Variants in DZIP1L observed in about 807,000 individuals in gnomAD.
DZIP1L encodes cilium assembly protein DZIP1L.
Under a neutral mutation model 88.7 loss-of-function variants are expected in DZIP1L, and 90 were observed. That is an observed-to-expected ratio of 1.02 (90% CI 0.86 to 1.21). DZIP1L has a LOEUF of 1.21. Ranked by LOEUF, DZIP1L falls within the 50% of genes most tolerant of loss-of-function variation. The probability of loss-of-function intolerance (pLI) is 0.00; values close to 1 mark genes in which losing one functional copy is unlikely to be tolerated. For synonymous variants in DZIP1L, 363 were observed against 372.1 expected (o/e 0.98, Z 0.28); for missense variants, 932 against 955.8 (o/e 0.98, Z 0.33).
At chr3:138,101,837 C>A in intron 2 of DZIP1L, 1 of 1,288,386 alleles carries the variant, frequency 7.8e-7, no homozygotes, top group Non-Finnish European at 1.1e-6. Flanking sequence ...CGCTCCATGT[C>A]CTGCTTGGCC....
In DZIP1L at chr3:138,094,903, G is replaced by C. The variant is rs1158287390; in HGVS notation, c.667C>G (p.Leu223Val). ...CTCTCCGCCTCCCTCTGGGCTTCCA[G>C]CTCCCCTTGGGTCCACTTTAGCTTG... ...RAKLKWTQGE[L>V]EAQREAERQR... is the part of the protein sequence containing the mutation. Residue 223 changes from leucine (L) to valine (V), a missense_variant, in exon 4 of 16, where the codon CTG becomes GTG. By Grantham distance (32) the Leu-to-Val change is conservative (BLOSUM62 1). Coordinates refer to ENST00000327532, the MANE Select transcript of DZIP1L (RefSeq NM_173543.3). 5 of 1,614,076 alleles carry C rather than the reference G, an allele frequency of 3.1e-6. No homozygotes were observed. The highest frequency in any genetic ancestry group is 3.4e-6 in the Non-Finnish European group (4 of 1,180,038).
Position 138,067,698 on chromosome 3 carries a change from G to A in DZIP1L, c.1835C>T (p.Thr612Met), listed in dbSNP as rs772148042. Residue 612 changes from threonine to methionine, a missense_variant and splice_region_variant, in exon 14 of 16, where the codon ACG becomes ATG. Transcript: ENST00000327532. ...GTCCTCTTCAGAACTGAACGGGGGC[G>A]TGCTGCCACGAGGAGGAGAAGAAAT... ...TPPSSGPGMS[T>M]PPFSSEEDSE... 14 of 1,547,274 alleles carry A rather than the reference G, an allele frequency of 9.0e-6. No homozygotes were observed. Among genetic ancestry groups the A allele is most frequent in the South Asian group, 3.7e-5 (3 of 81,736 alleles).
intron 1 of DZIP1L, among the ~76,000 whole-genome samples, chr3:138,105,027 T>A (rs1233744327): frequency 6.6e-6 from 1 of 152,144 alleles, no homozygotes; most frequent in South Asian, 2.1e-4. Flanking sequence ...GTACAATGTA[T>A]CTCTATGCAA....
Position 138,088,515 on chromosome 3 carries a change from G to C in DZIP1L, c.871-8C>G. ...CTGCAGTGCCCGCAGTTTCTGAAAAGGCCAGGGCATAGTTTTATTCAGATG... is the reference window on the plus strand; with the variant it reads ...CTGCAGTGCCCGCAGTTTCTGAAAACGCCAGGGCATAGTTTTATTCAGATG... On this transcript the variant is annotated splice_region_variant and splice_polypyrimidine_tract_variant and intron_variant, in intron 5 of 15. Coordinates refer to ENST00000327532, the MANE Select transcript of DZIP1L (RefSeq NM_173543.3). 1 of 1,612,176 alleles carries C rather than the reference G, an allele frequency of 6.2e-7. No individual in the cohort carries two copies. Among genetic ancestry groups the C allele is most frequent in the Non-Finnish European group, 8.5e-7 (1 of 1,179,168 alleles).
rs1246046392 is a variant in DZIP1L at position 138,094,293 on chromosome 3, C to T, written c.708+569G>A. ...AAATGATGCTGATAAACTTGCTCAA[C>T]ACAGGGTTGACACAAACCTTCAATG... On this transcript the variant is annotated intron_variant, in intron 4 of 15. Transcript: ENST00000327532. Among the ~76,000 whole-genome samples, 3 of 152,220 alleles carry T rather than the reference C, an allele frequency of 2.0e-5. No individual in the cohort carries two copies. The East Asian group carries it at 5.8e-4, about 29-fold the overall frequency.
chr3:138,069,229 G>A (rs1014363296), intron 12 of DZIP1L: 2 of 557,942 alleles, frequency 3.6e-6, no homozygotes, highest in African/African-American at 3.8e-5. Flanking sequence ...TTAATGAATA[G>A]TAAACATATT....
chr3:138,069,342 T>C (rs965483553), intron 12 of DZIP1L, among the ~76,000 whole-genome samples: 1 of 152,238 alleles, frequency 6.6e-6, no homozygotes, highest in Non-Finnish European at 1.5e-5. Context: ...TGTGTGTTAA[T>C]AGTCCATATT....
chr3:138,115,161 C>A (rs1454186746), intron 1 of DZIP1L, among the ~76,000 whole-genome samples, 167 bp downstream of exon 1: 1 of 152,096 alleles, frequency 6.6e-6, no homozygotes, highest in East Asian at 1.9e-4. Context: ...GCAGCGCGGA[C>A]GCACGCAGCC....
chr3:138,073,512 G>T (rs1030125684), intron 11 of DZIP1L, among the ~76,000 whole-genome samples: 39 of 152,146 alleles, frequency 2.6e-4, no homozygotes, highest in African/African-American at 9.2e-4. Flanking sequence ...CTAGGGGAAG[G>T]GGGAGAGCAC....
chr3:138,112,513 G>C (rs566034004), intron 1 of DZIP1L: 3 of 152,264 alleles, frequency 2.0e-5, no homozygotes, highest in South Asian at 2.1e-4. Flanking sequence ...GATTAGGATA[G>C]GCGGACAAAA....
At chr3:138,069,205 T>C (rs1363710541) in intron 12 of DZIP1L, 2 of 646,368 alleles carry the variant, frequency 3.1e-6, no homozygotes, top group Admixed American at 2.3e-5. Flanking sequence ...TCCTTTATGA[T>C]GATCCACTTC....
In DZIP1L at chr3:138,066,761, G is replaced by A. The variant is rs118137566; in HGVS notation, c.2002+770C>T. On this transcript the variant is annotated intron_variant, in intron 14 of 15. Transcript: ENST00000327532. The stretch of plus-strand genomic sequence containing the variant: ...AGAAGGAACTTCTGCTCTACTCACC[G>A]AGATGGACAAGGATAGGAGAAACAC... Among the ~76,000 whole-genome samples, 238 of 152,024 alleles carry A rather than the reference G, an allele frequency of 1.6e-3. 7 individuals carry two copies. The East Asian group carries it at 0.046, about 29-fold the overall frequency.
intron 2 of DZIP1L, among the ~76,000 whole-genome samples, chr3:138,098,921 G>A (rs1323343189): frequency 2.6e-5 from 4 of 152,118 alleles, no homozygotes; most frequent in Non-Finnish European, 4.4e-5. Flanking sequence ...TGAGGTGGGC[G>A]GATCACTTGA....
chr3:138,106,826 C>T (rs551411129), intron 1 of DZIP1L, among the ~76,000 whole-genome samples: 55 of 148,560 alleles, frequency 3.7e-4, no homozygotes, highest in South Asian at 1.3e-3. Context: ...AGCGAGACTC[C>T]GTCTCAAAAA....
rs958863880 is a variant in DZIP1L at position 138,083,958 on chromosome 3, C to G, written c.1203+155G>C. ...TGGAAGGAGGCAGCTACAGCCTTATCATTTTGTGCCCTTCATGCCAGAGGA... is the reference window on the plus strand; with the variant it reads ...TGGAAGGAGGCAGCTACAGCCTTATGATTTTGTGCCCTTCATGCCAGAGGA... On this transcript the variant is annotated intron_variant, in intron 8 of 15. Coordinates refer to ENST00000327532, the MANE Select transcript of DZIP1L (RefSeq NM_173543.3). Among the ~76,000 whole-genome samples, 3 of 152,204 alleles carry G rather than the reference C, an allele frequency of 2.0e-5. No individual in the cohort carries two copies. The East Asian group carries it at 5.8e-4, about 29-fold the overall frequency.
chr3:138,094,986 G>A lies in DZIP1L; in HGVS notation c.587-3C>T. On this transcript the variant is annotated splice_region_variant and splice_polypyrimidine_tract_variant and intron_variant, in intron 3 of 15. Transcript: ENST00000327532. ...CTGTTCCTGTTTCTTCTGTTTTCCT[G>A]TGGGGTCCACGCAAAGACAGGTGAC... 6.2e-7 allele frequency: 1 copy of A among 1,614,172 alleles called. No individual in the cohort carries two copies. The highest frequency in any genetic ancestry group is 8.5e-7 in the Non-Finnish European group (1 of 1,180,042).
chr3:138,063,088 G>A lies in DZIP1L; in HGVS notation c.2143-111C>T. 1 of 1,204,674 alleles carries A rather than the reference G, an allele frequency of 8.3e-7. No homozygotes were observed. The highest frequency in any genetic ancestry group is 2.1e-5 in the Admixed American group (1 of 47,422). The allele number at this position is 1,204,674 out of a possible 1,614,324, so 74.6% of individuals were successfully genotyped here. On this transcript the variant is annotated intron_variant, in intron 15 of 15. Coordinates refer to ENST00000327532, the MANE Select transcript of DZIP1L (RefSeq NM_173543.3). This position sits in a 1 kb window ranked among gnomAD's most constrained non-coding sequence, Gnocchi z 4.1. Reference sequence around the variant, plus strand: ...CAGAATGGAAATGGGGACAAATGCAGACTGGGAAGAAAGCAATAGGGAGAT... The same window carrying A: ...CAGAATGGAAATGGGGACAAATGCAAACTGGGAAGAAAGCAATAGGGAGAT...
intron 6 of DZIP1L, among the ~76,000 whole-genome samples, 181 bp from the exon 7 acceptor site, chr3:138,087,204 T>C (rs1263440675): frequency 6.6e-6 from 1 of 152,136 alleles, no homozygotes; most frequent in Non-Finnish European, 1.5e-5. Context: ...AGATGGATTA[T>C]TGACTAATGG....
At chr3:138,097,295 T>C (rs925069159) in intron 3 of DZIP1L, among the ~76,000 whole-genome samples, 1 of 152,082 alleles carries the variant, frequency 6.6e-6, no homozygotes, top group Non-Finnish European at 1.5e-5. Context: ...AAAATTAAAG[T>C]GATTAGATCA....
Sources: allele counts gnomAD v4.1 joint callset (sites outside exome capture counted in the v4.1 genomes callset), GRCh38; gene constraint gnomAD v4.1.1; non-coding constraint Gnocchi (gnomAD v3.1); transcripts MANE v1.5; gene names NCBI Gene and HGNC (gene_info 2026-07-23, HGNC 2026-07-21).